The following CCSER1 variants were observed in gnomAD, a reference collection of about 807,000 sequenced individuals.
CCSER1 encodes the protein coiled-coil serine rich protein 1.
CCSER1 carries 41 observed loss-of-function variants against 82.0 expected under a neutral mutation model. That is an observed-to-expected ratio of 0.50 (90% CI 0.39 to 0.65). The LOEUF (loss-of-function observed/expected upper bound fraction) is 0.65, where lower values mean the gene tolerates loss of function less well. Among genes scored for constraint, CCSER1 ranks in the 30% least tolerant of loss-of-function variants. The probability of loss-of-function intolerance (pLI) is 0.00; values close to 1 mark genes in which losing one functional copy is unlikely to be tolerated. For missense variants in CCSER1, 1,119 were observed against 1,064.2 expected, an observed-to-expected ratio of 1.05 and a Z score of -0.72; for synonymous variants, 414 against 383.9, an observed-to-expected ratio of 1.08 and a Z score of -0.92.
rs374312715 is a variant in CCSER1 at position 91,097,366 on chromosome 4, T to C, written c.2217+11372T>C. Among the ~76,000 whole-genome samples the C allele has an allele frequency of 2.6e-4, 40 of 152,300 alleles. 1 individual carries two copies. The South Asian group carries it at 7.7e-3, about 29-fold the overall frequency. On this transcript the variant is annotated intron_variant, in intron 10 of 10. Transcript: ENST00000509176. ...GGAAGTTACAGAAACTCAGGAACCA[T>C]AGAGGCTATGCAAATGAAGTACAAA...
intron 10 of CCSER1, among the ~76,000 whole-genome samples, chr4:91,322,437 A>G (rs1466256922): frequency 6.6e-6 from 1 of 152,086 alleles, no homozygotes; most frequent in African/African-American, 2.4e-5. Context: ...ATATATGAAA[A>G]TTTGTGAAGA....
intron 10 of CCSER1, among the ~76,000 whole-genome samples, chr4:91,256,612 G>A (rs543177468): frequency 2.4e-4 from 36 of 152,062 alleles, no homozygotes; most frequent in East Asian, 1.4e-3. Context: ...CAGACCGGCC[G>A]ACACTTAGGG....
intron 4 of CCSER1, among the ~76,000 whole-genome samples, chr4:90,425,573 G>T (rs1304885085): frequency 1.3e-5 from 2 of 152,134 alleles, no homozygotes; most frequent in Non-Finnish European, 2.9e-5. Flanking sequence ...ACAAAAGCAG[G>T]TCTTTCCCAA....
At chr4:90,696,665 T>G (rs1450376477) in intron 6 of CCSER1, among the ~76,000 whole-genome samples, 2 of 152,168 alleles carry the variant, frequency 1.3e-5, no homozygotes, top group Non-Finnish European at 2.9e-5. Flanking sequence ...CATTAAAACC[T>G]AACACTTCTT....
intron 10 of CCSER1, among the ~76,000 whole-genome samples, chr4:91,502,042 G>A (rs1000229292): frequency 2.6e-5 from 4 of 152,106 alleles, no homozygotes; most frequent in African/African-American, 7.2e-5. Flanking sequence ...ATTGTATTGC[G>A]ACTTAGAACA....
intron 1 of CCSER1, among the ~76,000 whole-genome samples, chr4:90,230,381 T>A (rs1207050852): frequency 6.6e-6 from 1 of 151,828 alleles, no homozygotes; most frequent in Non-Finnish European, 1.5e-5. Context: ...ACTGGGTATA[T>A]AACGAAATGA....
chr4:91,139,804 G>A (rs1728852629), intron 10 of CCSER1, among the ~76,000 whole-genome samples: 3 of 152,072 alleles, frequency 2.0e-5, no homozygotes, highest in Non-Finnish European at 4.4e-5. Context: ...AAAAATAAGA[G>A]CAATACCAAT....
chr4:90,912,259 C>T (rs1052725828), intron 8 of CCSER1, among the ~76,000 whole-genome samples: 1 of 152,160 alleles, frequency 6.6e-6, no homozygotes, highest in Non-Finnish European at 1.5e-5. Context: ...AGACTGACAC[C>T]TCACAAGAAC....
intron 10 of CCSER1, among the ~76,000 whole-genome samples, chr4:91,383,005 T>C (rs192534355): frequency 6.6e-6 from 1 of 152,236 alleles, no homozygotes; most frequent in East Asian, 1.9e-4. Flanking sequence ...TATCATTTTT[T>C]TTTTTTAGCA....
At chr4:90,785,269 C>A (rs1754335935) in intron 7 of CCSER1, among the ~76,000 whole-genome samples, 1 of 152,100 alleles carries the variant, frequency 6.6e-6, no homozygotes, top group Non-Finnish European at 1.5e-5. Context: ...AACTCCTGGG[C>A]TCAAGCAATC....
intron 3 of CCSER1, among the ~76,000 whole-genome samples, chr4:90,340,214 G>A (rs538211334): frequency 6.6e-6 from 1 of 152,238 alleles, no homozygotes; most frequent in South Asian, 2.1e-4. Context: ...ACAGTAGGAG[G>A]ATGAAATACT....
chr4:91,237,103 A>T (rs1739067462), intron 10 of CCSER1, among the ~76,000 whole-genome samples: 1 of 152,156 alleles, frequency 6.6e-6, no homozygotes, highest in Non-Finnish European at 1.5e-5. Flanking sequence ...TGTAGGTTAT[A>T]TGCCCATTAT....
chr4:90,196,096 CTTT>C (rs5860192), intron 1 of CCSER1, among the ~76,000 whole-genome samples: 4 of 124,314 alleles, frequency 3.2e-5, no homozygotes, highest in Non-Finnish European at 1.7e-5. Flanking sequence ...ACTTTCCTAG[CTTT>C]TTTTTTTTTT....
At chr4:91,459,331 T>A (rs1560688110) in intron 10 of CCSER1, among the ~76,000 whole-genome samples, 1 of 152,056 alleles carries the variant, frequency 6.6e-6, no homozygotes, top group Non-Finnish European at 1.5e-5. Context: ...TGTGTATGTG[T>A]TATGTGTTTG....
intron 10 of CCSER1, among the ~76,000 whole-genome samples, chr4:91,237,957 C>G (rs1739144958): frequency 6.6e-6 from 1 of 152,066 alleles, no homozygotes; most frequent in African/African-American, 2.4e-5. Flanking sequence ...ATCAAAAATT[C>G]TCTTTTGAAT....
At chr4:91,517,035 T>C (rs75953566) in intron 10 of CCSER1, among the ~76,000 whole-genome samples, 5,386 of 152,338 alleles carry the variant, frequency 0.035, 197 homozygotes, top group South Asian at 0.16. Context: ...GTACTGATTT[T>C]TGTACATTGA....
intron 10 of CCSER1, among the ~76,000 whole-genome samples, chr4:91,454,655 G>T (rs745774125): frequency 1.3e-5 from 2 of 151,780 alleles, no homozygotes; most frequent in African/African-American, 4.8e-5. Flanking sequence ...GTTAACTCAG[G>T]ATCTTATTTA....
intron 10 of CCSER1, among the ~76,000 whole-genome samples, chr4:91,548,673 T>C (rs1366400113): frequency 6.6e-6 from 1 of 152,088 alleles, no homozygotes; most frequent in Admixed American, 6.6e-5. Context: ...TTAAATATTC[T>C]ATTCAACTCT....
chr4:91,578,485 A>G (rs1763562568), intron 10 of CCSER1, among the ~76,000 whole-genome samples: 1 of 151,984 alleles, frequency 6.6e-6, no homozygotes, highest in South Asian at 2.1e-4. Context: ...AAATTTTCTG[A>G]GGGTAAAAGT....
Sources: gnomAD v4.1 joint callset for allele counts (sites outside exome capture counted in the v4.1 genomes callset) on GRCh38, gnomAD v4.1.1 for gene constraint, MANE v1.5 for transcripts, NCBI Gene and HGNC (gene_info 2026-07-23, HGNC 2026-07-21) for gene names.